Variants in RCOR3 observed in about 807,000 individuals in gnomAD.
The protein encoded by RCOR3 is REST corepressor 3.
A neutral mutation model predicts 64.1 loss-of-function variants in RCOR3; 13 were observed. That is an observed-to-expected ratio of 0.20 (90% confidence interval 0.13 to 0.32). The LOEUF (loss-of-function observed/expected upper bound fraction) is 0.32. RCOR3 is among the 10% of genes least tolerant of loss of function. The pLI, the probability that RCOR3 is intolerant of heterozygous loss-of-function variation, is 1.00. For synonymous variants in RCOR3, 215 were observed against 239.0 expected (o/e 0.90, Z 0.93); for missense variants, 489 against 701.2 (o/e 0.70, Z 3.42).
At chr1:211,299,127 G>A (rs1638831129) in intron 9 of RCOR3, among the ~76,000 whole-genome samples, 1 of 152,120 alleles carries the variant, frequency 6.6e-6, no homozygotes, top group Admixed American at 6.5e-5. Flanking sequence ...TTTTAGAAAA[G>A]TTATGACATT....
chr1:211,289,975 T>C (rs2102575180), intron 8 of RCOR3, among the ~76,000 whole-genome samples: 1 of 152,278 alleles, frequency 6.6e-6, no homozygotes, highest in East Asian at 1.9e-4. Context: ...CATCTGGAAA[T>C]GTGGATAATA....
chr1:211,282,402 A>C (rs1177088974), intron 7 of RCOR3, among the ~76,000 whole-genome samples: 1 of 152,222 alleles, frequency 6.6e-6, no homozygotes, highest in African/African-American at 2.4e-5. Context: ...TAACTTTTAA[A>C]AGTTGTGAAC....
intron 6 of RCOR3, 39 bp downstream of exon 6, chr1:211,278,280 C>T: frequency 6.2e-7 from 1 of 1,605,384 alleles, no homozygotes; most frequent in Non-Finnish European, 8.5e-7. Context: ...TTGTTAGGGA[C>T]ACTGCATTGT....
At chr1:211,271,456 TAATGGAGG>T in intron 3 of RCOR3, 147 bp downstream of exon 3, 1 of 667,122 alleles carries the variant, frequency 1.5e-6, no homozygotes, top group Non-Finnish European at 2.6e-6. Flanking sequence ...ATTTTTTTTT[TAATGGAGG>T]TTGTTATATT....
chr1:211,306,223 A>G (rs1700837354), intron 10 of RCOR3, among the ~76,000 whole-genome samples: 1 of 152,156 alleles, frequency 6.6e-6, no homozygotes, highest in Admixed American at 6.5e-5. Flanking sequence ...AGTGTGTCTT[A>G]TAAATAGTAT....
At chr1:211,301,080 C>T (rs1257800491) in intron 9 of RCOR3, among the ~76,000 whole-genome samples, 3 of 151,972 alleles carry the variant, frequency 2.0e-5, no homozygotes, top group Admixed American at 2.0e-4. Flanking sequence ...AAAGACATTT[C>T]AAGAGTAATC....
At chr1:211,259,971 C>T (rs1693921292) in intron 1 of RCOR3, 137 bp from the exon 2 acceptor site, 1 of 1,175,846 alleles carries the variant, frequency 8.5e-7, no homozygotes, top group East Asian at 4.5e-5. Context: ...TCCCGGAGTG[C>T]CCCGAGTTGA....
At chr1:211,267,905 C>T (rs2102448640) in intron 2 of RCOR3, 1 of 364,104 alleles carries the variant, frequency 2.7e-6, no homozygotes, top group Non-Finnish European at 5.3e-6. Context: ...TAGCTGTTAC[C>T]TTTTATGGGG....
In RCOR3 at chr1:211,313,824, C is replaced by A; in HGVS notation, c.*56C>A. ...TTCACCCCATCATTATACCAGTGCTCATCTGACTGATGAAAAAGAGGAAAG... is the reference window on the plus strand; with the variant it reads ...TTCACCCCATCATTATACCAGTGCTAATCTGACTGATGAAAAAGAGGAAAG... On this transcript the variant is annotated 3_prime_UTR_variant, in exon 12 of 12. Transcript: ENST00000419091. This position sits in a 1 kb window ranked among gnomAD's most constrained non-coding sequence, Gnocchi z 4.7. 1 of 1,404,726 alleles carries A rather than the reference C, an allele frequency of 7.1e-7. No individual in the cohort carries two copies. The allele number at this position is 1,404,726 out of a possible 1,614,324, so 87.0% of individuals were successfully genotyped here. A position where few individuals can be genotyped will look rare whatever the true frequency, so the allele number is the denominator to read the frequency against.
chr1:211,264,730 A>C (rs964523084), intron 2 of RCOR3, among the ~76,000 whole-genome samples: 1 of 152,210 alleles, frequency 6.6e-6, no homozygotes, highest in African/African-American at 2.4e-5. Context: ...AAATATGAGA[A>C]GAATTGAGAT....
chr1:211,294,034 TTATAA>T (rs756599758), intron 8 of RCOR3, among the ~76,000 whole-genome samples: 5 of 152,218 alleles, frequency 3.3e-5, no homozygotes, highest in Non-Finnish European at 5.9e-5. Context: ...TGTAAAACTG[TTATAA>T]TATAAGTAGA....
intron 2 of RCOR3, chr1:211,267,786 T>G (rs1355781551): frequency 3.0e-6 from 1 of 334,654 alleles, no homozygotes; most frequent in Admixed American, 4.2e-5. Context: ...AGAGACAAGG[T>G]CTTGCTATGT....
rs1311779413 is a variant in RCOR3, at chr1:211,259,948, A to G, written c.167-160A>G. 13 of 837,184 alleles carry G rather than the reference A, an allele frequency of 1.6e-5. No individual in the cohort carries two copies. The African/African-American group carries it at 2.2e-4, about 14-fold the overall frequency. The allele number at this position is 837,184 out of a possible 1,614,324, so 51.9% of individuals were successfully genotyped here. A position where few individuals can be genotyped will look rare whatever the true frequency, so the allele number is the denominator to read the frequency against. On this transcript the variant is annotated intron_variant, in intron 1 of 11. Coordinates refer to ENST00000419091, the MANE Select transcript of RCOR3 (RefSeq NM_001136223.3). Reference sequence around the variant, plus strand: ...TGCCCCCCCCCGCTCCCCGCCCCCAATCCGCTGCCATCTCCCGGAGTGCCC... The same window carrying G: ...TGCCCCCCCCCGCTCCCCGCCCCCAGTCCGCTGCCATCTCCCGGAGTGCCC...
chr1:211,314,318 C>T lies in RCOR3; in HGVS notation c.*550C>T, dbSNP rs1558120735. 3 of 151,620 alleles carry T rather than the reference C, an allele frequency of 2.0e-5. No homozygotes were observed. The highest frequency in any genetic ancestry group is 7.3e-5 in the African/African-American group (3 of 41,324). The allele number at this position is 151,620 out of a possible 1,614,324, so 9.4% of individuals were successfully genotyped here. On this transcript the variant is annotated 3_prime_UTR_variant, in exon 12 of 12. Transcript: ENST00000419091. Reference sequence around the variant, plus strand: ...AAGAAATTATAGCTGCATATCCCTTCTTTCAAAAAATGTTGCTTTTTTTTT... The same window carrying T: ...AAGAAATTATAGCTGCATATCCCTTTTTTCAAAAAATGTTGCTTTTTTTTT...
At chr1:211,285,570 A>G (rs1383183040) in intron 7 of RCOR3, among the ~76,000 whole-genome samples, 2 of 152,230 alleles carry the variant, frequency 1.3e-5, no homozygotes, top group Non-Finnish European at 2.9e-5. Flanking sequence ...GAAGGAATAT[A>G]GACCCCTGCT....
intron 2 of RCOR3, among the ~76,000 whole-genome samples, chr1:211,264,378 T>G (rs1274332784): frequency 6.6e-6 from 1 of 152,026 alleles, no homozygotes; most frequent in Non-Finnish European, 1.5e-5. Flanking sequence ...ATGATAAGAG[T>G]TAAGCAGGTA....
rs12067738 is a variant in RCOR3, at chr1:211,277,089, A to G, written c.516+671A>G. Among the ~76,000 whole-genome samples, 946 of 150,684 alleles carry G rather than the reference A, an allele frequency of 6.3e-3. 9 individuals carry two copies. The highest frequency in any genetic ancestry group is 0.021 in the African/African-American group (870 of 40,960). On this transcript the variant is annotated intron_variant, in intron 5 of 11. Coordinates refer to ENST00000419091, the MANE Select transcript of RCOR3 (RefSeq NM_001136223.3). ...CAACAGCGCGAGACTCTGTCTCAAA[A>G]AAAAAAACAAAAAAAACAAAAAAAC...
chr1:211,273,799 G>A lies in RCOR3; in HGVS notation c.302-411G>A, dbSNP rs186464687. Reference sequence around the variant, plus strand: ...TTATACATCAATCAAAAATGGAATGGTAAAGGCTTTGGATCAACTCGAAAT... The same window carrying A: ...TTATACATCAATCAAAAATGGAATGATAAAGGCTTTGGATCAACTCGAAAT... On this transcript the variant is annotated intron_variant, in intron 3 of 11. Transcript: ENST00000419091. Among the ~76,000 whole-genome samples, 5 of 152,278 alleles carry A rather than the reference G, an allele frequency of 3.3e-5. No homozygotes were observed. The East Asian group carries it at 5.8e-4, about 18-fold the overall frequency.
At chr1:211,298,087 G>C (rs1700020970) in intron 9 of RCOR3, among the ~76,000 whole-genome samples, 1 of 152,154 alleles carries the variant, frequency 6.6e-6, no homozygotes, top group East Asian at 1.9e-4. Context: ...CACTGTGTTA[G>C]GCCCGGTGAG....
Sources: gnomAD v4.1 joint callset for allele counts (sites outside exome capture counted in the v4.1 genomes callset) on GRCh38, gnomAD v4.1.1 for gene constraint, Gnocchi (gnomAD v3.1) non-coding constraint, MANE v1.5 for transcripts, NCBI Gene and HGNC (gene_info 2026-07-23, HGNC 2026-07-21) for gene names.